PHF11: variants seen among roughly 807,000 people sequenced by gnomAD.
The protein encoded by PHF11 is PHD finger protein 11.
Under a neutral mutation model 40.5 loss-of-function variants are expected in PHF11, and 38 were observed. The observed-to-expected ratio is 0.94, with a 90% CI of 0.72 to 1.23. The LOEUF (loss-of-function observed/expected upper bound fraction) is 1.23, where lower values mean the gene tolerates loss of function less well. Ranked by LOEUF, PHF11 falls within the 50% of genes most tolerant of loss-of-function variation. The pLI, the probability that PHF11 is intolerant of heterozygous loss-of-function variation, is 0.00. For missense variants in PHF11, 369 were observed against 392.4 expected, an observed-to-expected ratio of 0.94 and a Z score of 0.50; for synonymous variants, 127 against 138.2, an observed-to-expected ratio of 0.92 and a Z score of 0.57.
intron 5 of PHF11, 81 bp from the exon 6 acceptor site, chr13:49,521,962 A>G (rs931199674): frequency 1.5e-6 from 1 of 677,344 alleles, no homozygotes; most frequent in Non-Finnish European, 2.6e-6. Flanking sequence ...AACTTTTGGC[A>G]TATGAGTTGT....
intron 1 of PHF11, 47 bp from the exon 2 acceptor site, chr13:49,506,588 C>T: frequency 1.3e-6 from 2 of 1,597,260 alleles, no homozygotes; most frequent in Non-Finnish European, 1.7e-6. Context: ...GTTAGTGAGA[C>T]CAAGAAATTC....
chr13:49,520,882 T>C lies in PHF11; in HGVS notation c.459-12T>C. 5.3e-6 allele frequency: 8 copies of C among 1,517,910 alleles called. No homozygotes were observed. Among genetic ancestry groups the C allele is most frequent in the Non-Finnish European group, 7.2e-6 (8 of 1,109,422 alleles). The allele number at this position is 1,517,910 out of a possible 1,614,324, so 94.0% of individuals were successfully genotyped here. On this transcript the variant is annotated splice_polypyrimidine_tract_variant and intron_variant, in intron 4 of 9. Transcript: ENST00000378319. ...AAAATATTTTACAATTCTTTGAAAT[T>C]AAATATTTCAGACTGCTTTGCCAGC...
intron 3 of PHF11, among the ~76,000 whole-genome samples, chr13:49,515,978 G>A (rs1443253433): frequency 1.3e-5 from 2 of 152,100 alleles, no homozygotes. Context: ...TCTTGTCCTC[G>A]CTGTAGCTTG....
intron 2 of PHF11, among the ~76,000 whole-genome samples, chr13:49,512,059 CA>C (rs1959088625): frequency 2.0e-5 from 3 of 152,228 alleles, no homozygotes; most frequent in African/African-American, 7.2e-5. Flanking sequence ...TCCTCATCAA[CA>C]CTGGGTCTTG....
rs2031532 is a variant in PHF11 at position 49,506,711 on chromosome 13, A to G, written c.171A>G (p.Leu57=). ...CCAAAGATGTCGAATATAATGTCCT[A>G]TACTTTGCACAATCAGAGAATATAG... ...LCPKDVEYNV[L]YFAQSENIAA... The change falls in exon 2 of 10, where the codon CTA becomes CTG. Residue 57 remains leucine, a synonymous_variant. Transcript: ENST00000378319. 0.67 allele frequency: 1,083,321 copies of G among 1,605,470 alleles called. 369,974 individuals are homozygous for G. Among genetic ancestry groups the G allele is most frequent in the East Asian group, 0.89 (39,922 of 44,812 alleles).
At chr13:49,513,033 T>C (rs1959098843) in intron 2 of PHF11, 26 bp from the exon 3 acceptor site, 1 of 1,141,338 alleles carries the variant, frequency 8.8e-7, no homozygotes, top group Non-Finnish European at 1.3e-6. Context: ...TTGTGCATAC[T>C]CTGGATTTTT....
chr13:49,506,898 C>CAT, intron 2 of PHF11, 142 bp downstream of exon 2: 1 of 142,866 alleles, frequency 7.0e-6, no homozygotes, highest in Non-Finnish European at 1.2e-5. Flanking sequence ...GGGAGCATTT[C>CAT]TTTTTTTTTT....
At chr13:49,527,895 T>A (rs2139085777) in intron 9 of PHF11, among the ~76,000 whole-genome samples, 1 of 152,218 alleles carries the variant, frequency 6.6e-6, no homozygotes, top group Admixed American at 6.5e-5. Flanking sequence ...TATTTTAAGT[T>A]AACTATACGT....
intron 2 of PHF11, among the ~76,000 whole-genome samples, chr13:49,507,832 C>A (rs1457498025): frequency 6.6e-6 from 1 of 152,052 alleles, no homozygotes; most frequent in Non-Finnish European, 1.5e-5. Flanking sequence ...AAATGCTATG[C>A]CTTTTAGATA....
intron 4 of PHF11, among the ~76,000 whole-genome samples, chr13:49,519,941 A>G (rs2139067727): frequency 6.6e-6 from 1 of 152,300 alleles, no homozygotes; most frequent in South Asian, 2.1e-4. Context: ...CTGCTTCCTG[A>G]GAGTCAGCGC....
intron 3 of PHF11, among the ~76,000 whole-genome samples, chr13:49,516,586 T>G (rs568101846): frequency 1.6e-4 from 24 of 151,300 alleles, no homozygotes; most frequent in Middle Eastern, 3.4e-3. Flanking sequence ...TTTTGTATAG[T>G]AGGTTCTGTC....
At chr13:49,496,124 C>A in intron 1 of PHF11, 29 bp downstream of exon 1, 5 of 358,220 alleles carry the variant, frequency 1.4e-5, no homozygotes, top group South Asian at 5.1e-5. Flanking sequence ...GGCGGGCGGG[C>A]GGGCGGGGCT....
At chr13:49,497,333 C>A (rs1958830321) in intron 1 of PHF11, 2 of 568,334 alleles carry the variant, frequency 3.5e-6, no homozygotes, top group Non-Finnish European at 3.0e-6. Context: ...AAAGAGAATT[C>A]TTGTTTCCTC....
chr13:49,516,717 G>A (rs1303824933), intron 3 of PHF11, among the ~76,000 whole-genome samples: 1 of 151,714 alleles, frequency 6.6e-6, no homozygotes, highest in Non-Finnish European at 1.5e-5. Flanking sequence ...CCAAATAGCT[G>A]GGACTACAGG....
intron 2 of PHF11, among the ~76,000 whole-genome samples, chr13:49,508,135 TG>T (rs1245265276): frequency 6.8e-6 from 1 of 147,818 alleles, no homozygotes; most frequent in Non-Finnish European, 1.5e-5. Flanking sequence ...TGTTAATGGA[TG>T]GGAAAAAGAT....
intron 1 of PHF11, among the ~76,000 whole-genome samples, chr13:49,505,857 C>G (rs945854083): frequency 1.3e-5 from 2 of 152,206 alleles, no homozygotes; most frequent in Middle Eastern, 3.4e-3. Context: ...TTAAAGCACA[C>G]TTAAAGTACA....
chr13:49,511,694 T>G (rs995287451), intron 2 of PHF11, among the ~76,000 whole-genome samples: 2 of 152,196 alleles, frequency 1.3e-5, no homozygotes, highest in African/African-American at 4.8e-5. Flanking sequence ...TTGTTTTTTG[T>G]TTTGTTTTGT....
intron 1 of PHF11, among the ~76,000 whole-genome samples, chr13:49,500,820 GC>G (rs1307865393): frequency 6.6e-6 from 1 of 152,104 alleles, no homozygotes; most frequent in Non-Finnish European, 1.5e-5. Flanking sequence ...ATTCCCAGAT[GC>G]CAAGACTCTT....
intron 7 of PHF11, chr13:49,523,624 G>A (rs753230725): frequency 4.4e-5 from 11 of 249,324 alleles, no homozygotes; most frequent in Non-Finnish European, 7.6e-5. Context: ...AAGTGACAGG[G>A]GCTGTTATGT....
Sources: allele counts gnomAD v4.1 joint callset (sites outside exome capture counted in the v4.1 genomes callset), GRCh38; gene constraint gnomAD v4.1.1; transcripts MANE v1.5; gene names NCBI Gene and HGNC (gene_info 2026-07-23, HGNC 2026-07-21).